The following MDFI variants were observed in gnomAD, a reference collection of about 807,000 sequenced individuals.
MDFI encodes the protein inhibitor of MyoD family a.
In MDFI, 16 loss-of-function variants were observed where a neutral mutation model predicts 22.3. The observed-to-expected ratio is 0.72, with a 90% CI of 0.49 to 1.09. MDFI has a LOEUF of 1.09. MDFI is among the 50% of genes least tolerant of loss of function. MDFI has a pLI of 0.00. For missense variants in MDFI, 314 were observed against 326.1 expected (o/e 0.96, Z 0.29); for synonymous variants, 145 against 142.7 (o/e 1.02, Z -0.12).
chr6:41,651,643 T>C (rs573041448), intron 4 of MDFI, among the ~76,000 whole-genome samples: 40 of 152,300 alleles, frequency 2.6e-4, no homozygotes, highest in African/African-American at 9.4e-4. Context: ...ATAACTACCC[T>C]ATCCAGTTTG....
At chr6:41,642,252 G>T (rs368462955) in intron 2 of MDFI, among the ~76,000 whole-genome samples, 3 of 152,124 alleles carry the variant, frequency 2.0e-5, no homozygotes, top group Non-Finnish European at 2.9e-5. Flanking sequence ...GGAGGGCAAG[G>T]ACTTCAGCCA....
chr6:41,637,678 G>C (rs907002531), upstream of MDFI, among the ~76,000 whole-genome samples: 2 of 152,074 alleles, frequency 1.3e-5, no homozygotes, highest in Non-Finnish European at 2.9e-5. This position sits in a 1 kb window ranked among gnomAD's most constrained non-coding sequence, Gnocchi z 6.8. Context: ...TCACCATCCA[G>C]ACGCGCCGCC....
In MDFI at chr6:41,638,870, C is replaced by A. The variant is rs748532635; in HGVS notation, c.76+45C>A. 5 of 1,510,002 alleles carry A rather than the reference C, an allele frequency of 3.3e-6. No individual in the cohort carries two copies. The East Asian group carries it at 9.9e-5, about 30-fold the overall frequency. The allele number at this position is 1,510,002 out of a possible 1,614,324, so 93.5% of individuals were successfully genotyped here. ...GCGAAGCTGGACAGGGGCGGGTGGG[C>A]GGCTGAAGGGGCCAGTTATTAGTTC... On this transcript the variant is annotated intron_variant, in intron 2 of 4. Coordinates refer to ENST00000230321, the MANE Select transcript of MDFI (RefSeq NM_005586.4). This position sits in a 1 kb window ranked among gnomAD's most constrained non-coding sequence, Gnocchi z 7.6.
intron 2 of MDFI, among the ~76,000 whole-genome samples, chr6:41,645,414 T>C (rs567740495): frequency 6.6e-6 from 1 of 152,070 alleles, no homozygotes; most frequent in African/African-American, 2.4e-5. Flanking sequence ...GGTTCACCTC[T>C]TCCCCAGTGC....
At chr6:41,648,697 T>C (rs974809522) in intron 3 of MDFI, among the ~76,000 whole-genome samples, 3 of 152,070 alleles carry the variant, frequency 2.0e-5, no homozygotes, top group African/African-American at 7.2e-5. Flanking sequence ...GCCCCAGAGC[T>C]CTCAGTGACC....
At chr6:41,652,144 G>A (rs1407130585) in intron 4 of MDFI, among the ~76,000 whole-genome samples, 1 of 152,218 alleles carries the variant, frequency 6.6e-6, no homozygotes, top group Non-Finnish European at 1.5e-5. Context: ...ATTGAAGCGG[G>A]TGGTGGAAGG....
intron 2 of MDFI, among the ~76,000 whole-genome samples, chr6:41,640,103 G>A (rs536747346): frequency 6.6e-6 from 1 of 152,334 alleles, no homozygotes; most frequent in South Asian, 2.1e-4. Flanking sequence ...CAGGATGAGC[G>A]CCTCCAAGAA....
At chr6:41,648,042 C>CAAAAAA (rs3050046) in intron 3 of MDFI, among the ~76,000 whole-genome samples, 2 of 65,540 alleles carry the variant, frequency 3.1e-5, no homozygotes, top group African/African-American at 6.4e-5. Context: ...GACTCCGTCT[C>CAAAAAA]AAAAAAAAAA....
In MDFI at chr6:41,648,335, A is replaced by T. The variant is rs528999755; in HGVS notation, c.260-1284A>T. Among the ~76,000 whole-genome samples the T allele has an allele frequency of 2.0e-4, 30 of 152,270 alleles. 1 individual carries two copies. Among genetic ancestry groups the T allele is most frequent in the Admixed American group, 9.2e-4 (14 of 15,288 alleles). On this transcript the variant is annotated intron_variant, in intron 3 of 4. Transcript: ENST00000230321. Reference sequence around the variant, plus strand: ...CTGTACCTCTACCTCTCCGGGACTCAGTTTCCTCATCAGTAAAAGAAGACT... The same window carrying T: ...CTGTACCTCTACCTCTCCGGGACTCTGTTTCCTCATCAGTAAAAGAAGACT...
At chr6:41,639,498 A>G (rs1167036031) in intron 2 of MDFI, 1 of 985,384 alleles carries the variant, frequency 1.0e-6, no homozygotes, top group Non-Finnish European at 1.2e-6. Flanking sequence ...CACGCCAAGT[A>G]CGGTTTGTGA....
intron 3 of MDFI, among the ~76,000 whole-genome samples, chr6:41,649,100 C>A (rs1189178539): frequency 6.6e-6 from 1 of 152,192 alleles, no homozygotes; most frequent in African/African-American, 2.4e-5. Flanking sequence ...AGTGAGGAGC[C>A]CCTGGATTCC....
chr6:41,649,977 C>T, intron 4 of MDFI, 134 bp downstream of exon 4: 1 of 764,336 alleles, frequency 1.3e-6, no homozygotes, highest in East Asian at 2.7e-5. Flanking sequence ...CCTTCCACGC[C>T]TACTGGATTG....
chr6:41,649,609 A>T lies in MDFI; in HGVS notation c.260-10A>T. 6.4e-7 allele frequency: 1 copy of T among 1,562,996 alleles called. No individual in the cohort carries two copies. Among genetic ancestry groups the T allele is most frequent in the South Asian group, 1.2e-5 (1 of 84,348 alleles). On this transcript the variant is annotated splice_polypyrimidine_tract_variant and intron_variant, in intron 3 of 4. Transcript: ENST00000230321. ...CCTTTTCCCATCACACTTTCTCTTCATCTCTCCAGGCCAGCCTCAGGGGAA... is the reference window on the plus strand; with the variant it reads ...CCTTTTCCCATCACACTTTCTCTTCTTCTCTCCAGGCCAGCCTCAGGGGAA...
chr6:41,638,552 C>A lies in MDFI; in HGVS notation c.-112C>A. The A allele has an allele frequency of 1.8e-6, 1 of 560,682 alleles. No homozygotes were observed. The allele number at this position is 560,682 out of a possible 1,614,324, so 34.7% of individuals were successfully genotyped here. ...GGGGAAGGGGCGCCAGGCGAGCACCCGGGAGCCAGCGGGACCTGGGCAGGG... is the reference window on the plus strand; with the variant it reads ...GGGGAAGGGGCGCCAGGCGAGCACCAGGGAGCCAGCGGGACCTGGGCAGGG... On this transcript the variant is annotated 5_prime_UTR_variant, in exon 1 of 5. Coordinates refer to ENST00000230321, the MANE Select transcript of MDFI (RefSeq NM_005586.4). The surrounding 1 kb of genome is among the most constrained non-coding windows in gnomAD (Gnocchi z 7.6).
In MDFI at chr6:41,653,901, T is replaced by G; in HGVS notation, c.*326T>G. 1.6e-5 allele frequency: 6 copies of G among 363,760 alleles called. No homozygotes were observed. Among genetic ancestry groups the G allele is most frequent in the East Asian group, 5.2e-5 (1 of 19,166 alleles). The allele number at this position is 363,760 out of a possible 1,614,324, so 22.5% of individuals were successfully genotyped here. On this transcript the variant is annotated 3_prime_UTR_variant, in exon 5 of 5. Transcript: ENST00000230321. The surrounding 1 kb of genome is among the most constrained non-coding windows in gnomAD (Gnocchi z 4.2). ...GGGGACCGCAGGGGGCAGCCAGGGCTGGGGAACACTGTGAAAGTTACTTGG... is the reference window on the plus strand; with the variant it reads ...GGGGACCGCAGGGGGCAGCCAGGGCGGGGGAACACTGTGAAAGTTACTTGG...
Position 41,638,562 on chromosome 6 carries a change from C to A in MDFI, c.-102C>A. On this transcript the variant is annotated 5_prime_UTR_variant, in exon 1 of 5. Coordinates refer to ENST00000230321, the MANE Select transcript of MDFI (RefSeq NM_005586.4). This position sits in a 1 kb window ranked among gnomAD's most constrained non-coding sequence, Gnocchi z 7.6. ...CGCCAGGCGAGCACCCGGGAGCCAG[C>A]GGGACCTGGGCAGGGGCGCCCGGAG... 1.7e-6 allele frequency: 1 copy of A among 581,872 alleles called. No homozygotes were observed. The highest frequency in any genetic ancestry group is 2.9e-6 in the Non-Finnish European group (1 of 346,538). The allele number at this position is 581,872 out of a possible 1,614,324, so 36.0% of individuals were successfully genotyped here. A position where few individuals can be genotyped will look rare whatever the true frequency, so the allele number is the denominator to read the frequency against.
rs151018719 is a variant in MDFI, at chr6:41,649,662, G to C, written c.303G>C (p.Pro101=). The C allele has an allele frequency of 2.5e-6, 4 of 1,612,552 alleles. No homozygotes were observed. Among genetic ancestry groups the C allele is most frequent in the Admixed American group, 3.3e-5 (2 of 59,874 alleles). The change falls in exon 4 of 5, where the codon CCG becomes CCC. Residue 101 remains proline (P), a synonymous_variant. Transcript: ENST00000230321. ...CCTTGGGCTGCACCCCACTTCTGCC[G>C]AATGACTCTGGCCACCCCTCAGAGC... The part of the protein sequence containing the change: ...GNPLGCTPLL[P]NDSGHPSELG...
At position 41,638,875 on chromosome 6, in the gene MDFI, G is replaced by A. The variant is rs1433302016; in HGVS notation, c.76+50G>A. On this transcript the variant is annotated intron_variant, in intron 2 of 4. Coordinates refer to ENST00000230321, the MANE Select transcript of MDFI (RefSeq NM_005586.4). The surrounding 1 kb of genome is among the most constrained non-coding windows in gnomAD (Gnocchi z 7.6). ...GCTGGACAGGGGCGGGTGGGCGGCT[G>A]AAGGGGCCAGTTATTAGTTCTCCTC... The A allele has an allele frequency of 6.6e-7, 1 of 1,505,910 alleles. No individual in the cohort carries two copies. The highest frequency in any genetic ancestry group is 8.9e-7 in the Non-Finnish European group (1 of 1,126,520). The allele number at this position is 1,505,910 out of a possible 1,614,324, so 93.3% of individuals were successfully genotyped here.
intron 2 of MDFI, among the ~76,000 whole-genome samples, chr6:41,640,175 T>G (rs907831993): frequency 6.6e-6 from 1 of 152,186 alleles, no homozygotes; most frequent in Admixed American, 6.5e-5. Context: ...TCCTTCTCTG[T>G]GTCTGGGAAC....
Sources: gnomAD v4.1 joint callset for allele counts (sites outside exome capture counted in the v4.1 genomes callset) on GRCh38, gnomAD v4.1.1 for gene constraint, Gnocchi (gnomAD v3.1) non-coding constraint, MANE v1.5 for transcripts, NCBI Gene and HGNC (gene_info 2026-07-23, HGNC 2026-07-21) for gene names.